WDR76: variants seen among roughly 807,000 people sequenced by gnomAD.
The protein encoded by WDR76 is WD repeat domain 76, also known as WD repeat-containing protein 76.
In WDR76, 52 loss-of-function variants were observed where a neutral mutation model predicts 70.2. That is an observed-to-expected ratio of 0.74 (90% CI 0.59 to 0.93). The LOEUF is 0.93. Among genes scored for constraint, WDR76 ranks in the 40% least tolerant of loss-of-function variants. The pLI is 0.00. For missense variants in WDR76, 756 were observed against 760.2 expected (o/e 0.99, Z 0.07); for synonymous variants, 292 against 271.1 (o/e 1.08, Z -0.76).
chr15:43,861,485 T>C, intron 12 of WDR76, 99 bp downstream of exon 12: 1 of 1,192,066 alleles, frequency 8.4e-7, no homozygotes, highest in Non-Finnish European at 1.2e-6. Context: ...GATGTAATAG[T>C]CCTGATTTTT....
chr15:43,846,183 G>T (rs1465141756), intron 8 of WDR76, among the ~76,000 whole-genome samples: 1 of 148,152 alleles, frequency 6.7e-6, no homozygotes, highest in Non-Finnish European at 1.5e-5. Flanking sequence ...TGAGTTGAGA[G>T]AATAGCTTTG....
At chr15:43,839,924 C>A (rs1005008554) in intron 5 of WDR76, among the ~76,000 whole-genome samples, 196 bp downstream of exon 5, 1 of 152,102 alleles carries the variant, frequency 6.6e-6, no homozygotes, top group African/African-American at 2.4e-5. Context: ...GTGGCATGAT[C>A]TTGCCTCACT....
At chr15:43,837,042 C>CAAA (rs541159343) in intron 4 of WDR76, among the ~76,000 whole-genome samples, 2 of 58,304 alleles carry the variant, frequency 3.4e-5, no homozygotes, top group African/African-American at 6.4e-5. Flanking sequence ...CTCCATCTCA[C>CAAA]AAAAAAAAAA....
rs755745847 is a variant in WDR76, at chr15:43,866,247, A to C, written c.1736A>C (p.Glu579Ala). The C allele has an allele frequency of 1.2e-5, 20 of 1,614,060 alleles. No individual in the cohort carries two copies. The highest frequency in any genetic ancestry group is 1.7e-5 in the Admixed American group (1 of 59,994). Residue 579 changes from glutamate (E) to alanine (A), a missense_variant, in exon 13 of 13, where the codon GAG (glutamate) becomes GCG (alanine). Physicochemically the swap from Glu to Ala is moderately radical, Grantham distance 107. Coordinates refer to ENST00000263795, the MANE Select transcript of WDR76 (RefSeq NM_024908.4). ...AHPRRVEIFH[E>A]TGKRVHSFGG... The stretch of plus-strand genomic sequence containing the variant: ...CCACGACGGGTAGAAATCTTCCATG[A>C]GACAGGAAAGAGGGTGCATTCGTTT...
chr15:43,836,172 A>G lies in WDR76; in HGVS notation c.564A>G (p.Arg188=). Residue 188 remains arginine (R), a synonymous_variant, in exon 4 of 13, where the codon AGA becomes AGG. Coordinates refer to ENST00000263795, the MANE Select transcript of WDR76 (RefSeq NM_024908.4). ...ASLQLSESAA[R]LREMIEKRQP... is the part of the protein sequence containing the mutation. ...TTTATACTTTACAGTCTGCTGCAAG[A>G]CTCCGTGAAATGATAGAGAAGAGAC... The G allele has an allele frequency of 6.2e-7, 1 of 1,608,548 alleles. No homozygotes were observed. The highest frequency in any genetic ancestry group is 8.5e-7 in the Non-Finnish European group (1 of 1,177,600).
At position 43,866,579 on chromosome 15, in the gene WDR76, G is replaced by T; in HGVS notation, c.*187G>T. On this transcript the variant is annotated 3_prime_UTR_variant, in exon 13 of 13. Coordinates refer to ENST00000263795, the MANE Select transcript of WDR76 (RefSeq NM_024908.4). ...GAAGTCTTGGAGGGTTGCTTCTGCA[G>T]GACGGGGAGGGAATTTGAGGGGAGG... The T allele has an allele frequency of 1.6e-6, 1 of 628,784 alleles. No individual in the cohort carries two copies. Among genetic ancestry groups the T allele is most frequent in the East Asian group, 2.9e-5 (1 of 33,966 alleles). The allele number at this position is 628,784 out of a possible 1,614,324, so 39.0% of individuals were successfully genotyped here.
intron 10 of WDR76, 55 bp downstream of exon 10, chr15:43,857,218 G>A (rs1036017438): frequency 3.4e-6 from 5 of 1,480,800 alleles, no homozygotes; most frequent in South Asian, 1.3e-5. Flanking sequence ...CAATTACATG[G>A]TTTAGTTTGG....
intron 8 of WDR76, among the ~76,000 whole-genome samples, chr15:43,846,683 C>T (rs1422096502): frequency 1.3e-5 from 2 of 151,700 alleles, no homozygotes; most frequent in African/African-American, 4.8e-5. Flanking sequence ...AGATTTAAGA[C>T]ATACATAAAA....
intron 7 of WDR76, among the ~76,000 whole-genome samples, chr15:43,843,028 T>TG (rs2087746143): frequency 2.0e-5 from 3 of 146,842 alleles, no homozygotes; most frequent in African/African-American, 5.0e-5. Flanking sequence ...TTTTTTTTTT[T>TG]TTTTTTGTTT....
At chr15:43,861,229 A>G in intron 11 of WDR76, 104 bp from the exon 12 acceptor site, 1 of 981,148 alleles carries the variant, frequency 1.0e-6, no homozygotes, top group Non-Finnish European at 1.6e-6. Flanking sequence ...TGACAGTTAT[A>G]TATTTCATAC....
chr15:43,828,987 C>T (rs1479777438), intron 2 of WDR76, among the ~76,000 whole-genome samples: 4 of 151,746 alleles, frequency 2.6e-5, no homozygotes, highest in African/African-American at 4.8e-5. Flanking sequence ...ACTGCAACCT[C>T]GGCCTCCCAG....
intron 11 of WDR76, among the ~76,000 whole-genome samples, chr15:43,859,434 CT>C (rs1256201658): frequency 1.3e-5 from 2 of 152,254 alleles, no homozygotes; most frequent in African/African-American, 4.8e-5. Flanking sequence ...TTTAGAATCC[CT>C]GATTTTGCTT....
chr15:43,834,302 T>C (rs1470783032), intron 2 of WDR76, among the ~76,000 whole-genome samples: 1 of 149,780 alleles, frequency 6.7e-6, no homozygotes, highest in African/African-American at 2.4e-5. Flanking sequence ...AAATAACTTT[T>C]TTTTTTTTTT....
chr15:43,858,712 G>T lies in WDR76; in HGVS notation c.1451G>T (p.Arg484Ile). The change falls in exon 11 of 13, where the codon AGA (arginine) becomes ATA (isoleucine). Residue 484 changes from arginine to isoleucine, a missense_variant. Physicochemically the swap from Arg to Ile is moderately conservative, Grantham distance 97. Transcript: ENST00000263795. ...GATGCAAGGCGATTGAATTCCAGGA[G>T]AAGTCAGCCTTTGATTTCTTTGACT... ...IYDARRLNSR[R>I]SQPLISLTEH... 2.5e-6 allele frequency: 4 copies of T among 1,614,132 alleles called. No homozygotes were observed. The highest frequency in any genetic ancestry group is 3.4e-6 in the Non-Finnish European group (4 of 1,180,024).
chr15:43,861,444 G>A (rs2087996854), intron 12 of WDR76, 58 bp downstream of exon 12: 12 of 1,436,230 alleles, frequency 8.4e-6, no homozygotes, highest in Non-Finnish European at 1.2e-5. Flanking sequence ...ATTTGTTGCA[G>A]TGCATACATT....
intron 5 of WDR76, among the ~76,000 whole-genome samples, chr15:43,841,180 C>T (rs2087719794): frequency 6.7e-6 from 1 of 149,878 alleles, no homozygotes; most frequent in South Asian, 2.1e-4. Flanking sequence ...GCTACCACGC[C>T]TGGCTAAGTT....
intron 10 of WDR76, 32 bp downstream of exon 10, chr15:43,857,195 C>A (rs532939348): frequency 3.2e-6 from 5 of 1,552,234 alleles, no homozygotes; most frequent in Non-Finnish European, 4.4e-6. Context: ...ATGACTTAGA[C>A]CTTTTAATGT....
At position 43,867,747 on chromosome 15, in the gene WDR76, C is replaced by T. The variant is rs2088092035; in HGVS notation, c.*1355C>T. ...GTATTTGGGGGAATATTATGAAATA[C>T]TCACCACTTTTGGTATTTTATGAAA... On this transcript the variant is annotated 3_prime_UTR_variant, in exon 13 of 13. Transcript: ENST00000263795. 6.6e-6 allele frequency: 1 copy of T among 152,082 alleles called. No homozygotes were observed. The highest frequency in any genetic ancestry group is 1.5e-5 in the Non-Finnish European group (1 of 67,994). 9.4% of individuals were successfully genotyped at this position (152,082 alleles called of 1,614,324 possible). A position where few individuals can be genotyped will look rare whatever the true frequency, so the allele number is the denominator to read the frequency against.
At chr15:43,864,851 C>T (rs904223392) in intron 12 of WDR76, among the ~76,000 whole-genome samples, 1 of 152,094 alleles carries the variant, frequency 6.6e-6, no homozygotes, top group Admixed American at 6.5e-5. Context: ...TCCTCAGCCC[C>T]GCAAAGTGCT....
Sources: gnomAD v4.1 joint callset for allele counts (sites outside exome capture counted in the v4.1 genomes callset) on GRCh38, gnomAD v4.1.1 for gene constraint, MANE v1.5 for transcripts, NCBI Gene and HGNC (gene_info 2026-07-23, HGNC 2026-07-21) for gene names.